The following TMEM9B variants were observed in gnomAD, a reference collection of about 807,000 sequenced individuals.
TMEM9B encodes TMEM9 domain family member B, also known as transmembrane protein 9B.
In TMEM9B, 8 loss-of-function variants were observed where a neutral mutation model predicts 23.5. That is an observed-to-expected ratio of 0.34 (90% CI 0.20 to 0.61). The LOEUF is 0.61. Among genes scored for constraint, TMEM9B ranks in the 20% least tolerant of loss-of-function variants. The probability of loss-of-function intolerance (pLI) is 0.78; values close to 1 mark genes in which losing one functional copy is unlikely to be tolerated. For missense variants in TMEM9B, 197 were observed against 252.3 expected (o/e 0.78, Z 1.49); for synonymous variants, 106 against 96.3 (o/e 1.10, Z -0.59).
In TMEM9B at chr11:8,957,776, TA is replaced by T. The variant is rs536603596; in HGVS notation, c.198-1479del. 1.1e-3 allele frequency among the ~76,000 whole-genome samples: 162 copies of T among 152,374 alleles called. 2 individuals are homozygous for T. The highest frequency in any genetic ancestry group is 3.7e-3 in the African/African-American group (153 of 41,598). On this transcript the variant is annotated intron_variant, in intron 2 of 4. Transcript: ENST00000534025. This position sits in a 1 kb window ranked among gnomAD's most constrained non-coding sequence, Gnocchi z 4.3. ...AAGAAATGATAAATGTCTGAGATGC[TA>T]AATATTCTGATCAAATCACTATATC...
chr11:8,960,233 C>G (rs1854051980), intron 2 of TMEM9B, among the ~76,000 whole-genome samples: 2 of 145,654 alleles, frequency 1.4e-5, no homozygotes, highest in Admixed American at 1.4e-4. Context: ...ACCTCTACCT[C>G]TGCGGCTCAA....
chr11:8,964,487 C>T, upstream of TMEM9B: 1 of 1,417,326 alleles, frequency 7.1e-7, no homozygotes, highest in Non-Finnish European at 9.2e-7. Flanking sequence ...ATGCAAAAAG[C>T]ATCCGCCCCG....
At chr11:8,960,138 G>GTTTTTTTTTTTTTTTT (rs10550659) in intron 2 of TMEM9B, among the ~76,000 whole-genome samples, 1 of 83,702 alleles carries the variant, frequency 1.2e-5, no homozygotes, top group African/African-American at 4.3e-5. Context: ...CTTTGTTTCT[G>GTTTTTTTTTTTTTTTT]TTTTTTTTTT....
rs1162426797 is a variant in TMEM9B at position 8,957,243 on chromosome 11, G to A, written c.198-945C>T. Among the ~76,000 whole-genome samples, 1 of 152,150 alleles carries A rather than the reference G, an allele frequency of 6.6e-6. No homozygotes were observed. The highest frequency in any genetic ancestry group is 1.5e-5 in the Non-Finnish European group (1 of 68,040). On this transcript the variant is annotated intron_variant, in intron 2 of 4. Coordinates refer to ENST00000534025, the MANE Select transcript of TMEM9B (RefSeq NM_020644.3). This position sits in a 1 kb window ranked among gnomAD's most constrained non-coding sequence, Gnocchi z 4.3. Reference sequence around the variant, plus strand: ...AGAACTAAATAAAAACTAACAAAGGGATGAGTGTTTTTGTTGAATGTTACT... The same window carrying A: ...AGAACTAAATAAAAACTAACAAAGGAATGAGTGTTTTTGTTGAATGTTACT...
intron 4 of TMEM9B, among the ~76,000 whole-genome samples, chr11:8,948,912 G>A (rs767819563): frequency 6.6e-6 from 1 of 152,186 alleles, no homozygotes; most frequent in Non-Finnish European, 1.5e-5. Flanking sequence ...ATCTGTGGCA[G>A]AGGAAAGATC....
At position 8,953,401 on chromosome 11, in the gene TMEM9B, T is replaced by C. The variant is rs1240299330; in HGVS notation, c.307-64A>G. 1.9e-6 allele frequency: 3 copies of C among 1,548,202 alleles called. No homozygotes were observed. In the Admixed American group the frequency reaches 5.3e-5, roughly 27 times the overall value. ...GCCCATAAATCAGAACTTTGTATGA[T>C]AATAGTAAAACTGACTGACATATCT... On this transcript the variant is annotated intron_variant, in intron 3 of 4. Coordinates refer to ENST00000534025, the MANE Select transcript of TMEM9B (RefSeq NM_020644.3).
At chr11:8,963,998 C>T in intron 1 of TMEM9B, 1 of 561,306 alleles carries the variant, frequency 1.8e-6, no homozygotes, top group South Asian at 2.2e-5. Flanking sequence ...GACCGTGGGG[C>T]GCTGCCTGCC....
At chr11:8,955,753 G>C (rs1010293450) in intron 3 of TMEM9B, among the ~76,000 whole-genome samples, 1 of 152,212 alleles carries the variant, frequency 6.6e-6, no homozygotes, top group Non-Finnish European at 1.5e-5. Flanking sequence ...GTTCCTAACA[G>C]ACCACAGACT....
intron 2 of TMEM9B, among the ~76,000 whole-genome samples, chr11:8,960,190 T>G (rs1296771627): frequency 6.8e-6 from 1 of 146,278 alleles, no homozygotes; most frequent in Non-Finnish European, 1.5e-5. Flanking sequence ...TCACCCAGGT[T>G]AGAGGGCAGT....
chr11:8,953,245 G>T lies in TMEM9B; in HGVS notation c.399C>A (p.Leu133=). 6.2e-7 allele frequency: 1 copy of T among 1,614,200 alleles called. No individual in the cohort carries two copies. The change falls in exon 4 of 5, where the codon CTC becomes CTA. Residue 133 remains leucine (L), a synonymous_variant. Coordinates refer to ENST00000534025, the MANE Select transcript of TMEM9B (RefSeq NM_020644.3). ...TLVEPILKRR[L]FGHAQLIQSD... is the part of the protein sequence containing the mutation. ...TCTGTATCAACTGTGCATGTCCAAA[G>T]AGGCGCCTCTTCAGTATGGGCTCAA...
chr11:8,951,747 G>A (rs1853880838), intron 4 of TMEM9B, among the ~76,000 whole-genome samples: 1 of 146,746 alleles, frequency 6.8e-6, no homozygotes, highest in Non-Finnish European at 1.5e-5. Flanking sequence ...AACAGAGCGA[G>A]ACTGCGTCTC....
chr11:8,955,351 G>C (rs1359561011), intron 3 of TMEM9B, among the ~76,000 whole-genome samples: 1 of 151,680 alleles, frequency 6.6e-6, no homozygotes, highest in Non-Finnish European at 1.5e-5. Context: ...GGATGGTTTG[G>C]GTATGATTCT....
intron 2 of TMEM9B, among the ~76,000 whole-genome samples, chr11:8,961,415 G>T (rs757352438): frequency 6.6e-6 from 1 of 152,182 alleles, no homozygotes; most frequent in African/African-American, 2.4e-5. Flanking sequence ...CATTCATCCT[G>T]CTGTAATACA....
intron 3 of TMEM9B, among the ~76,000 whole-genome samples, 194 bp from the exon 4 acceptor site, chr11:8,953,531 A>AT (rs997613328): frequency 2.0e-5 from 3 of 152,122 alleles, no homozygotes; most frequent in Non-Finnish European, 4.4e-5. Context: ...GATCTTTGGG[A>AT]TTTTTTTGCA....
chr11:8,954,308 ATTTTTT>A (rs34709671), intron 3 of TMEM9B, among the ~76,000 whole-genome samples: 1 of 148,222 alleles, frequency 6.7e-6, no homozygotes, highest in African/African-American at 2.5e-5. Context: ...ACTGGATTTT[ATTTTTT>A]TTTTTTTGAG....
intron 4 of TMEM9B, chr11:8,952,808 C>T (rs912603578): frequency 2.7e-5 from 10 of 375,996 alleles, no homozygotes; most frequent in Admixed American, 8.4e-5. Context: ...ATGATCTTCA[C>T]ACTTCCCTTG....
chr11:8,958,127 C>G (rs1314041583), intron 2 of TMEM9B, among the ~76,000 whole-genome samples: 1 of 130,606 alleles, frequency 7.7e-6, no homozygotes, highest in African/African-American at 2.9e-5. Context: ...CCATTGCACT[C>G]CAGCCTGGGC....
chr11:8,964,581 G>A, upstream of TMEM9B: 1 of 884,890 alleles, frequency 1.1e-6, no homozygotes. Context: ...GGACGGAAGG[G>A]GGCCTCTGGG....
In TMEM9B at chr11:8,952,698, C is replaced by T. The variant is rs139099423; in HGVS notation, c.441+505G>A. ...AGTGCTGGGATTACAGGTGTATGCC[C>T]CCACACCTGGCCCACAGATTTTTTT... On this transcript the variant is annotated intron_variant, in intron 4 of 4. Coordinates refer to ENST00000534025, the MANE Select transcript of TMEM9B (RefSeq NM_020644.3). 453 of 188,540 alleles carry T rather than the reference C, an allele frequency of 2.4e-3. 1 individual carries two copies. The highest frequency in any genetic ancestry group is 1.0e-2 in the African/African-American group (420 of 42,056). 11.7% of individuals were successfully genotyped at this position (188,540 alleles called of 1,614,324 possible).
Sources: gnomAD v4.1 joint callset for allele counts (sites outside exome capture counted in the v4.1 genomes callset) on GRCh38, gnomAD v4.1.1 for gene constraint, Gnocchi (gnomAD v3.1) non-coding constraint, MANE v1.5 for transcripts, NCBI Gene and HGNC (gene_info 2026-07-23, HGNC 2026-07-21) for gene names.